The following CDK19 variants were observed in gnomAD, a reference collection of about 807,000 sequenced individuals.
The protein encoded by CDK19 is cyclin-dependent kinase 19.
A neutral mutation model predicts 68.3 loss-of-function variants in CDK19; 20 were observed. That is an observed-to-expected ratio of 0.29 (90% confidence interval 0.21 to 0.43). The LOEUF is 0.43. Among genes scored for constraint, CDK19 ranks in the 20% least tolerant of loss-of-function variants. CDK19 has a pLI of 1.00. For missense variants in CDK19, 339 were observed against 623.5 expected, an observed-to-expected ratio of 0.54 and a Z score of 4.86; for synonymous variants, 221 against 222.8, an observed-to-expected ratio of 0.99 and a Z score of 0.07.
intron 2 of CDK19, among the ~76,000 whole-genome samples, chr6:110,701,404 T>C (rs1301044041): frequency 2.1e-5 from 3 of 143,790 alleles, no homozygotes; most frequent in Non-Finnish European, 4.6e-5. Flanking sequence ...AAAAAAAAAT[T>C]AGCCGAGCAT....
chr6:110,791,310 G>T (rs1340056696), intron 1 of CDK19, among the ~76,000 whole-genome samples: 6 of 152,008 alleles, frequency 3.9e-5, no homozygotes, highest in African/African-American at 1.4e-4. Flanking sequence ...CAGTGATTTT[G>T]GGAGGAAAGA....
intron 2 of CDK19, among the ~76,000 whole-genome samples, chr6:110,709,311 C>A (rs909757343): frequency 6.6e-6 from 1 of 151,952 alleles, no homozygotes; most frequent in Admixed American, 6.6e-5. Flanking sequence ...GTGTGATATA[C>A]AGATGAATGG....
chr6:110,715,409 A>C (rs1775292449), intron 2 of CDK19, among the ~76,000 whole-genome samples: 1 of 152,260 alleles, frequency 6.6e-6, no homozygotes, highest in Admixed American at 6.5e-5. Flanking sequence ...TAAATATTTA[A>C]GAATCAGACA....
intron 1 of CDK19, among the ~76,000 whole-genome samples, chr6:110,758,467 C>T (rs1411187447): frequency 3.9e-5 from 6 of 152,160 alleles, no homozygotes; most frequent in Non-Finnish European, 8.8e-5. Context: ...ATTCATCTCC[C>T]TTACCCCATC....
At chr6:110,716,067 C>T (rs1775365055) in intron 2 of CDK19, among the ~76,000 whole-genome samples, 1 of 151,970 alleles carries the variant, frequency 6.6e-6, no homozygotes, top group South Asian at 2.1e-4. Flanking sequence ...AGAGGAATCA[C>T]ATAACTAATA....
intron 4 of CDK19, chr6:110,643,335 C>T (rs78342274): frequency 5.0e-5 from 24 of 476,458 alleles, no homozygotes; most frequent in South Asian, 2.3e-4. Flanking sequence ...AAAAGGCAAA[C>T]TGCCAAAGGA....
chr6:110,752,287 G>T (rs1002898548), intron 1 of CDK19, among the ~76,000 whole-genome samples: 1 of 152,144 alleles, frequency 6.6e-6, no homozygotes, highest in Non-Finnish European at 1.5e-5. Flanking sequence ...CTCGTGGACA[G>T]CCTTATTTCT....
At chr6:110,750,970 G>A (rs1203636478) in intron 1 of CDK19, among the ~76,000 whole-genome samples, 1 of 152,136 alleles carries the variant, frequency 6.6e-6, no homozygotes, top group Non-Finnish European at 1.5e-5. Context: ...GGAGTAGCTG[G>A]GATTACAGGC....
chr6:110,753,208 G>A (rs560653523), intron 1 of CDK19, among the ~76,000 whole-genome samples: 14 of 152,138 alleles, frequency 9.2e-5, no homozygotes, highest in African/African-American at 3.4e-4. Flanking sequence ...AGGATTACAG[G>A]CGTGAGCCAC....
At chr6:110,706,439 G>A (rs1582909723) in intron 2 of CDK19, 1 of 87,664 alleles carries the variant, frequency 1.1e-5, no homozygotes, top group Non-Finnish European at 2.1e-5. Context: ...TTTTGAGACA[G>A]AGTCTGGCTC....
chr6:110,793,893 C>G (rs1001662747), intron 1 of CDK19, among the ~76,000 whole-genome samples: 1 of 152,214 alleles, frequency 6.6e-6, no homozygotes, highest in South Asian at 2.1e-4. Flanking sequence ...CCTGGCACAA[C>G]TGCACCAGCC....
Position 110,621,381 on chromosome 6 carries a change from GA to G in CDK19, c.1111-12del. ...CTGCTGTTGCTGATTCTTTTAAGGG[GA>G]AAAAAGCAAGCTTGGTATGAAACCA... is the stretch of plus-strand genomic sequence containing the variant. On this transcript the variant is annotated splice_polypyrimidine_tract_variant and intron_variant, in intron 11 of 12. Coordinates refer to ENST00000368911, the MANE Select transcript of CDK19 (RefSeq NM_015076.5). This position sits in a 1 kb window ranked among gnomAD's most constrained non-coding sequence, Gnocchi z 5.4. The G allele has an allele frequency of 1.3e-6, 2 of 1,524,856 alleles. No individual in the cohort carries two copies. Among genetic ancestry groups the G allele is most frequent in the Middle Eastern group, 2.0e-4 (1 of 5,062 alleles). 94.5% of individuals were successfully genotyped at this position (1,524,856 alleles called of 1,614,324 possible). A position where few individuals can be genotyped will look rare whatever the true frequency, so the allele number is the denominator to read the frequency against.
intron 1 of CDK19, among the ~76,000 whole-genome samples, chr6:110,807,939 T>C (rs929632129): frequency 6.6e-6 from 1 of 152,060 alleles, no homozygotes; most frequent in African/African-American, 2.4e-5. Context: ...GGCCATAAAA[T>C]ACTTTTTTGA....
At chr6:110,636,057 C>T (rs1779758702) in intron 5 of CDK19, among the ~76,000 whole-genome samples, 2 of 152,166 alleles carry the variant, frequency 1.3e-5, no homozygotes, top group South Asian at 2.1e-4. Context: ...AATCTTAAAA[C>T]TCTTAATAGT....
At chr6:110,643,758 G>C (rs1236943113) in intron 4 of CDK19, among the ~76,000 whole-genome samples, 4 of 151,978 alleles carry the variant, frequency 2.6e-5, no homozygotes, top group Non-Finnish European at 5.9e-5. Context: ...ACTATCTTGG[G>C]AATAAAATAC....
chr6:110,660,812 G>A (rs1781575351), intron 4 of CDK19, among the ~76,000 whole-genome samples: 1 of 152,164 alleles, frequency 6.6e-6, no homozygotes, highest in African/African-American at 2.4e-5. Context: ...TGGGGAGCAG[G>A]GCAAGTCATG....
chr6:110,744,011 G>GTTTT lies in CDK19; in HGVS notation c.204+2111_204+2114dup, dbSNP rs5879078. 7.1e-4 allele frequency among the ~76,000 whole-genome samples: 80 copies of GTTTT among 113,332 alleles called. 2 individuals are homozygous for GTTTT. Among genetic ancestry groups the GTTTT allele is most frequent in the East Asian group, 1.7e-3 (6 of 3,548 alleles). The allele number at this position is 113,332 out of a possible 152,430, so 74.4% of individuals were successfully genotyped here. A position where few individuals can be genotyped will look rare whatever the true frequency, so the allele number is the denominator to read the frequency against. ...TAAAACATTACAAATACCTCCCCAC[G>GTTTT]TTTTTTTTTTTTTTTTTTTTGAGAC... is the stretch of plus-strand genomic sequence containing the variant. On this transcript the variant is annotated intron_variant, in intron 2 of 12. Coordinates refer to ENST00000368911, the MANE Select transcript of CDK19 (RefSeq NM_015076.5).
chr6:110,736,240 C>G lies in CDK19; in HGVS notation c.204+9886G>C, dbSNP rs186300992. On this transcript the variant is annotated intron_variant, in intron 2 of 12. Coordinates refer to ENST00000368911, the MANE Select transcript of CDK19 (RefSeq NM_015076.5). ...CCTGTAATGCCAGCTACTCGGGAGG[C>G]TGAGAGAGGAGAATCGCTTGAATCC... Among the ~76,000 whole-genome samples the G allele has an allele frequency of 4.6e-5, 7 of 152,240 alleles. No individual in the cohort carries two copies. In the East Asian group the frequency reaches 1.4e-3, roughly 29 times the overall value.
intron 1 of CDK19, among the ~76,000 whole-genome samples, chr6:110,772,081 A>G (rs1032479441): frequency 2.0e-5 from 3 of 152,076 alleles, no homozygotes; most frequent in African/African-American, 7.2e-5. Flanking sequence ...TCACTTCCAC[A>G]TTTTCAGGTA....
Sources: gnomAD v4.1 joint callset for allele counts (sites outside exome capture counted in the v4.1 genomes callset) on GRCh38, gnomAD v4.1.1 for gene constraint, Gnocchi (gnomAD v3.1) non-coding constraint, MANE v1.5 for transcripts, NCBI Gene and HGNC (gene_info 2026-07-23, HGNC 2026-07-21) for gene names.